MGAT4C: variants seen among roughly 807,000 people sequenced by gnomAD.
The protein encoded by MGAT4C is alpha-1,3-mannosyl-glycoprotein 4-beta-N-acetylglucosaminyltransferase C.
Under a neutral mutation model 40.1 loss-of-function variants are expected in MGAT4C, and 19 were observed. The ratio of observed to expected loss-of-function variants is 0.47; its 90% CI spans 0.33 to 0.70. MGAT4C has a LOEUF of 0.70. Among genes scored for constraint, MGAT4C ranks in the 30% least tolerant of loss-of-function variants. The probability of loss-of-function intolerance (pLI) is 0.02; values close to 1 mark genes in which losing one functional copy is unlikely to be tolerated. For synonymous variants in MGAT4C, 181 were observed against 187.1 expected, an observed-to-expected ratio of 0.97 and a Z score of 0.27; for missense variants, 491 against 563.2, an observed-to-expected ratio of 0.87 and a Z score of 1.30.
chr12:86,449,255 T>G (rs1200769336), intron 2 of MGAT4C, among the ~76,000 whole-genome samples: 1 of 152,172 alleles, frequency 6.6e-6, no homozygotes, highest in Non-Finnish European at 1.5e-5. Context: ...TAAGAAAGCA[T>G]AGTGAGCTTT....
chr12:85,996,940 C>A (rs1206618719), intron 2 of MGAT4C, among the ~76,000 whole-genome samples: 2 of 152,120 alleles, frequency 1.3e-5, no homozygotes, highest in African/African-American at 4.8e-5. Context: ...AAAACACTAT[C>A]AAATAAATTA....
At chr12:86,185,103 C>T (rs1041494855) in intron 1 of MGAT4C, among the ~76,000 whole-genome samples, 6 of 152,124 alleles carry the variant, frequency 3.9e-5, no homozygotes, top group African/African-American at 7.2e-5. Flanking sequence ...TGGTGTTGCC[C>T]GACTCTGGAA....
chr12:86,428,436 G>A (rs1453548692), intron 3 of MGAT4C, among the ~76,000 whole-genome samples: 1 of 152,162 alleles, frequency 6.6e-6, no homozygotes, highest in Non-Finnish European at 1.5e-5. Context: ...GTGCCACCAT[G>A]CCAGGCTAAT....
At chr12:86,541,482 G>A (rs1386677523) in intron 2 of MGAT4C, among the ~76,000 whole-genome samples, 1 of 152,002 alleles carries the variant, frequency 6.6e-6, no homozygotes, top group East Asian at 1.9e-4. Context: ...ACTTGTTATT[G>A]ATTTAACCAA....
intron 1 of MGAT4C, among the ~76,000 whole-genome samples, chr12:86,147,246 A>ATT (rs201770308): frequency 4.2e-4 from 62 of 148,186 alleles, no homozygotes; most frequent in African/African-American, 1.4e-3. Context: ...AATTTATTAA[A>ATT]TTTTTTTTTT....
At chr12:86,491,729 C>T (rs1414788806) in intron 2 of MGAT4C, among the ~76,000 whole-genome samples, 3 of 150,482 alleles carry the variant, frequency 2.0e-5, no homozygotes, top group Non-Finnish European at 3.0e-5. Flanking sequence ...CCTTTGAAAA[C>T]TGGCACAAGA....
At chr12:86,263,214 GCA>G (rs1203196614) in intron 4 of MGAT4C, among the ~76,000 whole-genome samples, 1 of 152,064 alleles carries the variant, frequency 6.6e-6, no homozygotes, top group East Asian at 1.9e-4. Flanking sequence ...GGATACAAGT[GCA>G]GTTTTGTTAC....
intron 3 of MGAT4C, among the ~76,000 whole-genome samples, chr12:86,401,827 G>A (rs1269823669): frequency 1.3e-5 from 2 of 152,040 alleles, no homozygotes; most frequent in Non-Finnish European, 2.9e-5. Flanking sequence ...TTAAGTACAT[G>A]AAACATGAAA....
At position 86,136,737 on chromosome 12, in the gene MGAT4C, G is replaced by T. The variant is rs148080112; in HGVS notation, c.-56-87014C>A. 3.5e-3 allele frequency among the ~76,000 whole-genome samples: 536 copies of T among 151,556 alleles called. 3 individuals are homozygous for T. The highest frequency in any genetic ancestry group is 8.2e-3 in the Admixed American group (124 of 15,196). Reference sequence around the variant, plus strand: ...GAGTTTTGCTCTTGTCATCCGGTCCGGCATGCAATAGCGTGATCTCAGCTC... The same window carrying T: ...GAGTTTTGCTCTTGTCATCCGGTCCTGCATGCAATAGCGTGATCTCAGCTC... On this transcript the variant is annotated intron_variant, in intron 1 of 4. Transcript: ENST00000611864.
chr12:86,557,948 C>T (rs921384538), intron 2 of MGAT4C, among the ~76,000 whole-genome samples: 9 of 151,576 alleles, frequency 5.9e-5, no homozygotes, highest in African/African-American at 1.7e-4. Flanking sequence ...CAAAAGAACA[C>T]AGATAAACCA....
At chr12:86,672,257 C>A (rs1019314992) in intron 2 of MGAT4C, among the ~76,000 whole-genome samples, 3 of 151,852 alleles carry the variant, frequency 2.0e-5, no homozygotes, top group African/African-American at 7.3e-5. Flanking sequence ...AACACACATA[C>A]CAAAATCAAT....
At chr12:86,599,096 G>A (rs1593028537) in intron 2 of MGAT4C, among the ~76,000 whole-genome samples, 1 of 152,048 alleles carries the variant, frequency 6.6e-6, no homozygotes, top group Non-Finnish European at 1.5e-5. Context: ...AATGGGGAGA[G>A]TGTTATTTCT....
rs1883348417 is a variant in MGAT4C at position 85,966,065 on chromosome 12, T to A, written c.*13224A>T. On this transcript the variant is annotated 3_prime_UTR_variant, in exon 5 of 5. Transcript: ENST00000611864. ...TATTTTCCTATTATGAGACATTTTATATTATGGTTATTTACTGTAATTGCA... is the reference window on the plus strand; with the variant it reads ...TATTTTCCTATTATGAGACATTTTAAATTATGGTTATTTACTGTAATTGCA... 1 of 152,176 alleles carries A rather than the reference T, an allele frequency of 6.6e-6. No individual in the cohort carries two copies. The highest frequency in any genetic ancestry group is 2.1e-4 in the South Asian group (1 of 4,838). 9.4% of individuals were successfully genotyped at this position (152,176 alleles called of 1,614,324 possible). A position where few individuals can be genotyped will look rare whatever the true frequency, so the allele number is the denominator to read the frequency against.
chr12:86,272,195 A>G (rs2136108937), intron 4 of MGAT4C, among the ~76,000 whole-genome samples: 1 of 152,312 alleles, frequency 6.6e-6, no homozygotes, highest in Non-Finnish European at 1.5e-5. Context: ...AATTTCCCAC[A>G]TATCCCATAA....
intron 1 of MGAT4C, among the ~76,000 whole-genome samples, chr12:86,159,475 C>T (rs1593104921): frequency 6.6e-6 from 1 of 150,788 alleles, no homozygotes; most frequent in Non-Finnish European, 1.5e-5. Context: ...GGATTTTAGT[C>T]GGTAGCTTTC....
At chr12:86,015,093 G>A (rs1281746616) in intron 2 of MGAT4C, among the ~76,000 whole-genome samples, 8 of 150,994 alleles carry the variant, frequency 5.3e-5, no homozygotes, top group African/African-American at 7.3e-5. Context: ...ACAGGTGTGA[G>A]CCACCACACC....
At chr12:86,021,804 G>A (rs909651021) in intron 2 of MGAT4C, among the ~76,000 whole-genome samples, 1 of 152,044 alleles carries the variant, frequency 6.6e-6, no homozygotes, top group Non-Finnish European at 1.5e-5. Flanking sequence ...AAGCATTTAT[G>A]TACAACCACT....
At chr12:86,623,838 T>C (rs1339420259) in intron 2 of MGAT4C, among the ~76,000 whole-genome samples, 2 of 152,182 alleles carry the variant, frequency 1.3e-5, no homozygotes, top group Non-Finnish European at 1.5e-5. Context: ...TGTTTTAATT[T>C]AGCCCATCTC....
At chr12:86,823,875 A>G (rs1238496590) in intron 1 of MGAT4C, among the ~76,000 whole-genome samples, 1 of 151,488 alleles carries the variant, frequency 6.6e-6, no homozygotes, top group Non-Finnish European at 1.5e-5. Flanking sequence ...CCATGGAATA[A>G]AACAGAAATA....
Sources: gnomAD v4.1 joint callset for allele counts (sites outside exome capture counted in the v4.1 genomes callset) on GRCh38, gnomAD v4.1.1 for gene constraint, MANE v1.5 for transcripts, NCBI Gene and HGNC (gene_info 2026-07-23, HGNC 2026-07-21) for gene names.